CALN1: variants seen among roughly 807,000 people sequenced by gnomAD.
CALN1 encodes the protein calcium-binding protein 8.
A neutral mutation model predicts 30.6 loss-of-function variants in CALN1; 17 were observed. The ratio of observed to expected loss-of-function variants is 0.56; its 90% CI spans 0.38 to 0.83. The LOEUF (loss-of-function observed/expected upper bound fraction) is 0.83, where lower values mean the gene tolerates loss of function less well. Ranked by LOEUF, CALN1 falls within the 40% of genes least tolerant of loss-of-function variation. The pLI, the probability that CALN1 is intolerant of heterozygous loss-of-function variation, is 0.00. For missense variants in CALN1, 291 were observed against 354.9 expected (o/e 0.82, Z 1.45); for synonymous variants, 156 against 131.4 (o/e 1.19, Z -1.28).
intron 2 of CALN1, among the ~76,000 whole-genome samples, chr7:72,340,033 T>A (rs368517012): frequency 4.4e-4 from 67 of 152,280 alleles, no homozygotes; most frequent in African/African-American, 1.3e-3. Context: ...TGGACCCCCA[T>A]TAAACTGATC....
intron 3 of CALN1, among the ~76,000 whole-genome samples, chr7:72,264,939 T>C (rs1796511035): frequency 6.6e-6 from 1 of 152,192 alleles, no homozygotes; most frequent in African/African-American, 2.4e-5. Flanking sequence ...CATGCAGTAT[T>C]TGGTTTCCTG....
intron 5 of CALN1, among the ~76,000 whole-genome samples, chr7:72,009,815 C>T (rs1799970801): frequency 3.3e-5 from 5 of 152,176 alleles, no homozygotes; most frequent in Admixed American, 3.3e-4. Flanking sequence ...TCACCTTCTG[C>T]CATGATTGTG....
chr7:72,113,663 CTA>C (rs1372713016), intron 3 of CALN1, among the ~76,000 whole-genome samples: 1 of 152,196 alleles, frequency 6.6e-6, no homozygotes, highest in African/African-American at 2.4e-5. Context: ...ACATTTGTTT[CTA>C]TATGTCTCCA....
chr7:72,394,224 C>A (rs192994668), intron 2 of CALN1, among the ~76,000 whole-genome samples: 29 of 152,292 alleles, frequency 1.9e-4, no homozygotes, highest in African/African-American at 6.7e-4. Context: ...CTTTCTGTCA[C>A]CTCCTTCCCC....
intron 3 of CALN1, among the ~76,000 whole-genome samples, chr7:72,156,558 C>G (rs1264885288): frequency 6.6e-6 from 1 of 152,188 alleles, no homozygotes; most frequent in Non-Finnish European, 1.5e-5. Context: ...GAAGCCAGCA[C>G]AGAGCCATCC....
intron 1 of CALN1, among the ~76,000 whole-genome samples, chr7:72,424,609 T>A (rs913880529): frequency 2.0e-4 from 30 of 152,244 alleles, no homozygotes; most frequent in African/African-American, 5.5e-4. Flanking sequence ...ATTTTATTTT[T>A]TTTTAGAGAA....
At chr7:72,080,940 T>G (rs1805095085) in intron 4 of CALN1, among the ~76,000 whole-genome samples, 1 of 152,168 alleles carries the variant, frequency 6.6e-6, no homozygotes, top group African/African-American at 2.4e-5. Context: ...GCTGGTCTAG[T>G]ATCCGGGCCC....
intron 1 of CALN1, among the ~76,000 whole-genome samples, chr7:72,404,678 C>G (rs1806581641): frequency 6.6e-6 from 1 of 152,146 alleles, no homozygotes; most frequent in Admixed American, 6.5e-5. Context: ...TCTACTCTCT[C>G]GATTCTGGTG....
chr7:72,455,108 G>C, the CALN1 span, among the ~76,000 whole-genome samples: 2 of 152,042 alleles, frequency 1.3e-5, no homozygotes, highest in Admixed American at 1.3e-4. Context: ...TGGGATTATA[G>C]GTGTGAGCCA....
chr7:72,445,762 T>C (rs1017738967), intron 1 of CALN1, among the ~76,000 whole-genome samples: 6 of 152,120 alleles, frequency 3.9e-5, no homozygotes, highest in Non-Finnish European at 8.8e-5. Flanking sequence ...GGGACATTCA[T>C]CCAGAGAAAG....
At chr7:71,853,785 G>A (rs892580802) in intron 5 of CALN1, among the ~76,000 whole-genome samples, 4 of 152,058 alleles carry the variant, frequency 2.6e-5, no homozygotes, top group African/African-American at 9.7e-5. Flanking sequence ...TCACCATGTT[G>A]GCCAGGGTGG....
At chr7:72,161,870 C>T (rs531294857) in intron 3 of CALN1, among the ~76,000 whole-genome samples, 4 of 151,846 alleles carry the variant, frequency 2.6e-5, no homozygotes, top group African/African-American at 9.7e-5. Flanking sequence ...TGCTCACCTA[C>T]GTAACAAACC....
intron 3 of CALN1, among the ~76,000 whole-genome samples, chr7:72,248,023 T>G (rs927224845): frequency 6.6e-6 from 1 of 152,090 alleles, no homozygotes; most frequent in African/African-American, 2.4e-5. Flanking sequence ...AAAACACAAA[T>G]GTATCATCTT....
At chr7:72,258,119 A>AT (rs35614498) in intron 3 of CALN1, among the ~76,000 whole-genome samples, 54,127 of 151,754 alleles carry the variant, frequency 0.36, 10,600 homozygotes, top group Middle Eastern at 0.55. Flanking sequence ...ACTGAAATGA[A>AT]TTTTTTAAAA....
At chr7:72,328,546 G>C (rs1328218371) in intron 2 of CALN1, among the ~76,000 whole-genome samples, 3 of 152,226 alleles carry the variant, frequency 2.0e-5, no homozygotes, top group Admixed American at 6.5e-5. Context: ...TGTGAGAACA[G>C]ACTAATACGA....
intron 4 of CALN1, among the ~76,000 whole-genome samples, chr7:72,054,449 A>ACG (rs1803072421): frequency 1.9e-5 from 1 of 52,222 alleles, no homozygotes; most frequent in Non-Finnish European, 5.3e-5. Flanking sequence ...ATATATATAC[A>ACG]TATATATACA....
At chr7:72,376,356 A>G (rs1055759861) in intron 2 of CALN1, among the ~76,000 whole-genome samples, 6 of 152,172 alleles carry the variant, frequency 3.9e-5, no homozygotes, top group Admixed American at 6.5e-5. Context: ...GTACAATGCA[A>G]AAGGTTTACA....
chr7:72,407,470 T>TA (rs1366033767), intron 1 of CALN1, among the ~76,000 whole-genome samples: 1 of 152,238 alleles, frequency 6.6e-6, no homozygotes, highest in African/African-American at 2.4e-5. Context: ...GTTCTTGTGA[T>TA]ACAGTTCTCA....
intron 2 of CALN1, among the ~76,000 whole-genome samples, chr7:72,330,793 T>C (rs1342099861): frequency 6.6e-6 from 1 of 152,188 alleles, no homozygotes; most frequent in African/African-American, 2.4e-5. Context: ...TTAAAATAGA[T>C]TGTCACCCTC....
Sources: allele counts gnomAD v4.1 joint callset (sites outside exome capture counted in the v4.1 genomes callset), GRCh38; gene constraint gnomAD v4.1.1; transcripts MANE v1.5; gene names NCBI Gene and HGNC (gene_info 2026-07-23, HGNC 2026-07-21).